The following ITPR1 variants were observed in gnomAD, a reference collection of about 807,000 sequenced individuals.
ITPR1 encodes the protein inositol 1,4,5-trisphosphate-gated calcium channel ITPR1.
In ITPR1, 96 loss-of-function variants were observed where a neutral mutation model predicts 318.4. That is an observed-to-expected ratio of 0.30 (90% CI 0.26 to 0.36). The LOEUF is 0.36. ITPR1 is among the 10% of genes least tolerant of loss of function. ITPR1 has a pLI of 1.00. For synonymous variants in ITPR1, 1,312 were observed against 1,289.9 expected (o/e 1.02, Z -0.37); for missense variants, 2,440 against 3,460.2 (o/e 0.71, Z 7.40).
At chr3:4,530,789 C>G (rs547467369) in intron 4 of ITPR1, among the ~76,000 whole-genome samples, 1 of 151,996 alleles carries the variant, frequency 6.6e-6, no homozygotes, top group Non-Finnish European at 1.5e-5. Context: ...ACAACAACAA[C>G]AACAACCCCT....
chr3:4,843,905 C>T (rs1378561521), intron 61 of ITPR1, among the ~76,000 whole-genome samples: 2 of 152,044 alleles, frequency 1.3e-5, no homozygotes, highest in South Asian at 4.1e-4. Flanking sequence ...GACTAACTGA[C>T]AAATTGAAAA....
chr3:4,531,595 C>G (rs938166507), intron 4 of ITPR1, among the ~76,000 whole-genome samples: 1 of 152,234 alleles, frequency 6.6e-6, no homozygotes, highest in Non-Finnish European at 1.5e-5. Flanking sequence ...CTGCTTACCT[C>G]TCAGCCTTAT....
chr3:4,738,903 C>T (rs1032194499), intron 44 of ITPR1, among the ~76,000 whole-genome samples: 2 of 151,766 alleles, frequency 1.3e-5, no homozygotes, highest in South Asian at 4.1e-4. Context: ...TGGAAGGGTG[C>T]GGGTGTGGCC....
intron 57 of ITPR1, 43 bp from the exon 58 acceptor site, chr3:4,814,380 T>C: frequency 6.2e-7 from 1 of 1,610,322 alleles, no homozygotes; most frequent in Non-Finnish European, 8.5e-7. Context: ...GTCTCTCTTT[T>C]CTCCTCACGT....
rs1430257918 is a variant in ITPR1 at position 4,524,325 on chromosome 3, TTTTA to T, written c.163+3232_163+3235del. Among the ~76,000 whole-genome samples, 879 of 151,216 alleles carry T rather than the reference TTTTA, an allele frequency of 5.8e-3. 10 individuals are homozygous for T. Among genetic ancestry groups the T allele is most frequent in the African/African-American group, 0.021 (849 of 41,218 alleles). On this transcript the variant is annotated intron_variant, in intron 4 of 61. Coordinates refer to ENST00000649015, the MANE Select transcript of ITPR1 (RefSeq NM_001378452.1). ...CGTTTTTTTTTTTTTTTTTTTTTTT[TTTTA>T]AATGAAGAGAAAGATCTCTCTTTTG...
At chr3:4,583,792 C>G (rs908340711) in intron 4 of ITPR1, among the ~76,000 whole-genome samples, 3 of 152,164 alleles carry the variant, frequency 2.0e-5, no homozygotes, top group Admixed American at 2.0e-4. Flanking sequence ...TGAACTGGGG[C>G]AGTTGCAGGA....
At chr3:4,556,772 A>T (rs2125009548) in intron 4 of ITPR1, among the ~76,000 whole-genome samples, 1 of 152,278 alleles carries the variant, frequency 6.6e-6, no homozygotes, top group South Asian at 2.1e-4. Flanking sequence ...GCTGCTATAA[A>T]CATCCCTGTG....
At chr3:4,675,741 TC>T (rs1471730964) in intron 23 of ITPR1, among the ~76,000 whole-genome samples, 1 of 152,244 alleles carries the variant, frequency 6.6e-6, no homozygotes, top group Non-Finnish European at 1.5e-5. Flanking sequence ...CATGTTTATT[TC>T]TTCCTCGTTT....
intron 44 of ITPR1, among the ~76,000 whole-genome samples, chr3:4,745,388 A>G (rs958497108): frequency 9.2e-5 from 14 of 152,144 alleles, no homozygotes; most frequent in African/African-American, 2.4e-5. Flanking sequence ...ATGTAGCCTG[A>G]GAGTCCAGAC....
chr3:4,691,004 A>G (rs2094471508), intron 31 of ITPR1, 140 bp from the exon 32 acceptor site: 10 of 516,622 alleles, frequency 1.9e-5, no homozygotes, highest in South Asian at 4.9e-5. Flanking sequence ...TACAGAAGCA[A>G]GAATGAGAGA....
At chr3:4,650,697 C>G (rs1357687778) in intron 10 of ITPR1, among the ~76,000 whole-genome samples, 1 of 145,574 alleles carries the variant, frequency 6.9e-6, no homozygotes, top group Admixed American at 7.1e-5. Context: ...CATTGAGTTT[C>G]TTGAATCTAT....
chr3:4,578,143 T>C (rs552321071), intron 4 of ITPR1, among the ~76,000 whole-genome samples: 3 of 152,356 alleles, frequency 2.0e-5, no homozygotes, highest in African/African-American at 7.2e-5. Flanking sequence ...CTTGACACCA[T>C]TGGGCTTTTT....
chr3:4,728,292 A>G (rs1006762184), intron 42 of ITPR1, among the ~76,000 whole-genome samples: 1 of 152,246 alleles, frequency 6.6e-6, no homozygotes, highest in African/African-American at 2.4e-5. Flanking sequence ...GAAGATAACC[A>G]GATGTCCTGG....
chr3:4,606,545 TG>T (rs753720461), intron 4 of ITPR1, among the ~76,000 whole-genome samples: 16 of 152,012 alleles, frequency 1.1e-4, no homozygotes, highest in Non-Finnish European at 2.1e-4. Context: ...TTGAGGACTT[TG>T]GTATGTAAAG....
chr3:4,816,799 A>C (rs963161672), intron 59 of ITPR1, among the ~76,000 whole-genome samples: 1 of 152,200 alleles, frequency 6.6e-6, no homozygotes, highest in African/African-American at 2.4e-5. Context: ...GCTATTCCTT[A>C]AACTTTCACC....
At chr3:4,672,421 A>G (rs561689366) in intron 20 of ITPR1, among the ~76,000 whole-genome samples, 15 of 152,376 alleles carry the variant, frequency 9.8e-5, no homozygotes, top group African/African-American at 3.6e-4. Context: ...CATGATTATT[A>G]GAAATACATA....
At chr3:4,545,610 GGGACCC>G (rs1394793796) in intron 4 of ITPR1, among the ~76,000 whole-genome samples, 1 of 144,374 alleles carries the variant, frequency 6.9e-6, no homozygotes, top group African/African-American at 2.6e-5. Context: ...GCAACAGAAC[GGGACCC>G]GGTCTCAAAA....
intron 41 of ITPR1, among the ~76,000 whole-genome samples, chr3:4,726,795 T>G (rs1056514029): frequency 6.6e-6 from 1 of 152,200 alleles, no homozygotes; most frequent in African/African-American, 2.4e-5. Flanking sequence ...GATTGAGTCT[T>G]GCATTACAAC....
At chr3:4,696,447 C>T (rs530410716) in intron 33 of ITPR1, among the ~76,000 whole-genome samples, 1 of 152,302 alleles carries the variant, frequency 6.6e-6, no homozygotes, top group East Asian at 1.9e-4. Context: ...GCACTTCGTT[C>T]CTTTATGTTG....
Sources: allele counts gnomAD v4.1 joint callset (sites outside exome capture counted in the v4.1 genomes callset), GRCh38; gene constraint gnomAD v4.1.1; transcripts MANE v1.5; gene names NCBI Gene and HGNC (gene_info 2026-07-23, HGNC 2026-07-21).